Variants in TNRC6A observed in about 807,000 individuals in gnomAD.
TNRC6A encodes trinucleotide repeat-containing gene 6A protein.
In TNRC6A, 44 loss-of-function variants were observed where a neutral mutation model predicts 221.2. That is an observed-to-expected ratio of 0.20 (90% CI 0.16 to 0.26). TNRC6A has a LOEUF of 0.26. Ranked by LOEUF, TNRC6A falls within the 10% of genes least tolerant of loss-of-function variation. The probability of loss-of-function intolerance (pLI) is 1.00; values close to 1 mark genes in which losing one functional copy is unlikely to be tolerated. For missense variants in TNRC6A, 2,199 were observed against 2,404.4 expected (o/e 0.91, Z 1.79); for synonymous variants, 847 against 838.5 (o/e 1.01, Z -0.18).
chr16:24,670,459 G>A lies in TNRC6A; in HGVS notation n.402+29450G>A, dbSNP rs554576668. 5.9e-5 allele frequency among the ~76,000 whole-genome samples: 9 copies of A among 152,238 alleles called. No homozygotes were observed. In the South Asian group the frequency reaches 1.5e-3, roughly 25 times the overall value. ...TGCGTTGCACCTTTCTGGAGGCTACGGGGCTGCTGTTTCAGCAATTCATGT... is the reference window on the plus strand; with the variant it reads ...TGCGTTGCACCTTTCTGGAGGCTACAGGGCTGCTGTTTCAGCAATTCATGT... On this transcript the variant is annotated intron_variant and non_coding_transcript_variant, in intron 2 of 2. Transcript: ENST00000566108.
intron 4 of TNRC6A, 117 bp downstream of exon 4, chr16:24,758,477 T>A (rs983263946): frequency 9.1e-7 from 1 of 1,093,882 alleles, no homozygotes; most frequent in African/African-American, 1.6e-5. Flanking sequence ...CGGTTGGGAT[T>A]AGCCTTCTTC....
Position 24,687,881 on chromosome 16 carries a change from A to AAGAAGAAGAAGAAGAAGAAGAAGAAGC in TNRC6A, n.402+46874_402+46875insAAGAAGAAGAAGAAGAAGAAGAAGCAG, listed in dbSNP as rs1474000799. 5.4e-5 allele frequency among the ~76,000 whole-genome samples: 8 copies of AAGAAGAAGAAGAAGAAGAAGAAGAAGC among 147,996 alleles called. No homozygotes were observed. The East Asian group carries it at 5.9e-4, about 11-fold the overall frequency. The stretch of plus-strand genomic sequence containing the variant: ...GAAGAAGAAGAAGAAGAAGAAGAAG[A>AAGAAGAAGAAGAAGAAGAAGAAGAAGC]AGCAGCTTATTCCAACTTTCTTGGA... On this transcript the variant is annotated intron_variant and non_coding_transcript_variant, in intron 2 of 2. Transcript: ENST00000566108.
chr16:24,778,355 C>T, intron 5 of TNRC6A: 1 of 984,288 alleles, frequency 1.0e-6, no homozygotes, highest in Non-Finnish European at 1.2e-6. Context: ...GAATAAGTAG[C>T]AGATCCTGGA....
chr16:24,771,574 ATGTTATGT>A (rs1305137565), intron 4 of TNRC6A, among the ~76,000 whole-genome samples: 5 of 99,218 alleles, frequency 5.0e-5, no homozygotes, highest in South Asian at 3.1e-4. Context: ...ATGTTATGTT[ATGTTATGT>A]TGTTATGTTA....
chr16:24,813,962 G>A (rs1243100836), intron 18 of TNRC6A, among the ~76,000 whole-genome samples: 1 of 152,190 alleles, frequency 6.6e-6, no homozygotes, highest in African/African-American at 2.4e-5. Context: ...ATCCTGTACA[G>A]CCATTACTTC....
intron 2 of TNRC6A, among the ~76,000 whole-genome samples, chr16:24,701,585 T>TG (rs36025672): frequency 0.53 from 79,965 of 151,784 alleles, 23,313 homozygotes; most frequent in East Asian, 0.8. Flanking sequence ...CAGGCTAGTC[T>TG]GAACTCCTGA....
intron 2 of TNRC6A, chr16:24,662,902 C>G (rs1295462852): frequency 6.5e-6 from 1 of 153,764 alleles, no homozygotes; most frequent in Admixed American, 6.5e-5. Context: ...TGCTCAAACT[C>G]TTAAACAGGA....
In TNRC6A at chr16:24,795,092, G is replaced by A. The variant is rs865961919; in HGVS notation, c.3528+373G>A. Reference sequence around the variant, plus strand: ...TTCATTTCCTCACCTGGAGTCCCCCGCCACCCGCTTACCCAGAGTCACCAT... The same window carrying A: ...TTCATTTCCTCACCTGGAGTCCCCCACCACCCGCTTACCCAGAGTCACCAT... On this transcript the variant is annotated intron_variant, in intron 8 of 24. Transcript: ENST00000395799. Among the ~76,000 whole-genome samples, 7 of 151,992 alleles carry A rather than the reference G, an allele frequency of 4.6e-5. No homozygotes were observed. The South Asian group carries it at 8.3e-4, about 18-fold the overall frequency.
intron 4 of TNRC6A, among the ~76,000 whole-genome samples, chr16:24,774,229 A>G (rs1435765238): frequency 2.0e-5 from 3 of 152,108 alleles, no homozygotes; most frequent in South Asian, 2.1e-4. Flanking sequence ...ACCCCCACCT[A>G]CGTTCACTGT....
chr16:24,713,802 A>C (rs1374206659), intron 2 of TNRC6A, among the ~76,000 whole-genome samples: 4 of 151,680 alleles, frequency 2.6e-5, no homozygotes, highest in Admixed American at 2.6e-4. Flanking sequence ...GTGTGCTACA[A>C]CTCTGTTCAA....
At chr16:24,767,696 A>G (rs1309904741) in intron 4 of TNRC6A, among the ~76,000 whole-genome samples, 2 of 152,162 alleles carry the variant, frequency 1.3e-5, no homozygotes, top group Non-Finnish European at 1.5e-5. Context: ...TTTATACTGT[A>G]TATTTGGGAC....
intron 2 of TNRC6A, among the ~76,000 whole-genome samples, chr16:24,739,737 C>T (rs2056852550): frequency 6.6e-6 from 1 of 152,090 alleles, no homozygotes; most frequent in Non-Finnish European, 1.5e-5. Flanking sequence ...CCTCTGCCTC[C>T]CAAAGTGCTA....
intron 12 of TNRC6A, 78 bp from the exon 13 acceptor site, chr16:24,804,627 C>G: frequency 6.6e-7 from 1 of 1,517,918 alleles, no homozygotes; most frequent in South Asian, 1.4e-5. Context: ...TGTGACTTCT[C>G]TTCTGTTCCT....
chr16:24,717,770 C>CT (rs71383705), intron 2 of TNRC6A, among the ~76,000 whole-genome samples: 31,558 of 107,502 alleles, frequency 0.29, 6,041 homozygotes, highest in Non-Finnish European at 0.41. Flanking sequence ...TTTTTTTTTT[C>CT]TTTTTTTTTT....
rs1289405591 is a variant in TNRC6A at position 24,822,953 on chromosome 16, A to G, written c.5453A>G (p.Asn1818Ser). 8 of 1,614,104 alleles carry G rather than the reference A, an allele frequency of 5.0e-6. No individual in the cohort carries two copies. In the African/African-American group the frequency reaches 6.7e-5, roughly 13 times the overall value. ...ITFHLNLPHG[N>S]ALVRYSSKEE... ...TTCCACCTGAACCTCCCTCACGGAA[A>G]TGCTCTGGTCCGCTACAGTTCAAAA... Residue 1818 changes from asparagine (N) to serine (S), a missense_variant, in exon 24 of 25, where the codon AAT becomes AGT. Around this residue, in one of 8 missense-constraint regions of TNRC6A, gnomAD observed 27 missense variants for 66.0 expected, o/e 0.41. Transcript: ENST00000395799.
intron 9 of TNRC6A, among the ~76,000 whole-genome samples, chr16:24,797,089 G>C (rs560766014): frequency 1.3e-5 from 2 of 152,268 alleles, no homozygotes; most frequent in East Asian, 3.9e-4. Flanking sequence ...TGGCTTCTTT[G>C]GACTAACCTT....
chr16:24,746,616 CA>C (rs2057016412), intron 2 of TNRC6A, among the ~76,000 whole-genome samples: 1 of 152,090 alleles, frequency 6.6e-6, no homozygotes, highest in African/African-American at 2.4e-5. Flanking sequence ...GTTCCTTTTT[CA>C]GAGGCTTAGA....
In TNRC6A at chr16:24,791,470, C is replaced by T; in HGVS notation, c.2828C>T (p.Ser943Phe). 1 of 1,532,504 alleles carries T rather than the reference C, an allele frequency of 6.5e-7. No homozygotes were observed. The highest frequency in any genetic ancestry group is 8.7e-7 in the Non-Finnish European group (1 of 1,143,530). 94.9% of individuals were successfully genotyped at this position (1,532,504 alleles called of 1,614,324 possible). A position where few individuals can be genotyped will look rare whatever the true frequency, so the allele number is the denominator to read the frequency against. Residue 943 changes from serine to phenylalanine, a missense_variant, in exon 6 of 25, where the codon TCT (serine) becomes TTT (phenylalanine). Physicochemically the swap from Ser to Phe is radical, Grantham distance 155. Around this residue, in one of 8 missense-constraint regions of TNRC6A, gnomAD observed 1,405 missense variants for 1,400.2 expected, o/e 1.00. Transcript: ENST00000395799. ...GGAGATTCGTCAAAGCCAGTCAGCTCTCCAGACTGGAACAAGCAACAAGAC... is the reference window on the plus strand; with the variant it reads ...GGAGATTCGTCAAAGCCAGTCAGCTTTCCAGACTGGAACAAGCAACAAGAC... ...GWGDSSKPVSSPDWNKQQDIV... is the reference protein window; with the variant it reads ...GWGDSSKPVSFPDWNKQQDIV...
intron 2 of TNRC6A, among the ~76,000 whole-genome samples, chr16:24,676,407 C>T (rs1248232895): frequency 6.6e-6 from 1 of 152,146 alleles, no homozygotes; most frequent in East Asian, 1.9e-4. Context: ...AGCAATTCTT[C>T]TGCCTCAGCC....
Sources: allele counts gnomAD v4.1 joint callset (sites outside exome capture counted in the v4.1 genomes callset), GRCh38; gene constraint gnomAD v4.1.1; regional missense constraint gnomAD v4.1.1; transcripts MANE v1.5; gene names NCBI Gene and HGNC (gene_info 2026-07-23, HGNC 2026-07-21).